The following ADGRL2 variants were observed in gnomAD, a reference collection of about 807,000 sequenced individuals.
The protein encoded by ADGRL2 is calcium-independent alpha-latrotoxin receptor 2.
Under a neutral mutation model 157.4 loss-of-function variants are expected in ADGRL2, and 44 were observed. The observed-to-expected ratio is 0.28, with a 90% confidence interval of 0.22 to 0.36. The LOEUF is 0.36. Among genes scored for constraint, ADGRL2 ranks in the 10% least tolerant of loss-of-function variants. ADGRL2 has a pLI of 1.00. For missense variants in ADGRL2, 1,510 were observed against 1,768.9 expected (o/e 0.85, Z 2.63); for synonymous variants, 585 against 624.7 (o/e 0.94, Z 0.95).
chr1:81,481,706 G>A (rs922615279), intron 2 of ADGRL2, among the ~76,000 whole-genome samples: 1 of 146,558 alleles, frequency 6.8e-6, no homozygotes, highest in Non-Finnish European at 1.5e-5. Context: ...CCCACTTTTG[G>A]CCCCATTTAC....
chr1:81,332,132 T>C (rs941291239), intron 1 of ADGRL2, among the ~76,000 whole-genome samples: 1 of 152,078 alleles, frequency 6.6e-6, no homozygotes, highest in East Asian at 1.9e-4. Flanking sequence ...GGTTTCCAGA[T>C]GAAACGAGAA....
intron 1 of ADGRL2, among the ~76,000 whole-genome samples, chr1:81,718,279 A>G (rs1350294052): frequency 6.6e-6 from 1 of 152,184 alleles, no homozygotes. Context: ...CGGCCTCCCA[A>G]AGTACTGGGA....
chr1:81,555,983 C>T (rs2080266494), intron 2 of ADGRL2, among the ~76,000 whole-genome samples: 1 of 151,856 alleles, frequency 6.6e-6, no homozygotes, highest in Admixed American at 6.6e-5. Flanking sequence ...TATCACTGCT[C>T]CTACTACATT....
chr1:81,655,298 C>T (rs1341284839), intron 3 of ADGRL2, among the ~76,000 whole-genome samples: 1 of 152,188 alleles, frequency 6.6e-6, no homozygotes, highest in East Asian at 1.9e-4. Context: ...CCGTGCCCGG[C>T]CTCATTCTGT....
chr1:81,867,751 A>G (rs1399361298), intron 2 of ADGRL2, among the ~76,000 whole-genome samples: 1 of 152,196 alleles, frequency 6.6e-6, no homozygotes, highest in African/African-American at 2.4e-5. Flanking sequence ...ATTCAAAAAA[A>G]TTTTAATTCA....
At chr1:81,980,745 ATC>A (rs1163842580) in intron 18 of ADGRL2, 2 of 630,528 alleles carry the variant, frequency 3.2e-6, no homozygotes, top group Non-Finnish European at 6.0e-6. Context: ...AATCTTTAGC[ATC>A]TCTCTCTTTT....
chr1:81,463,542 G>A (rs920351322), intron 2 of ADGRL2, among the ~76,000 whole-genome samples: 5 of 152,116 alleles, frequency 3.3e-5, no homozygotes, highest in Admixed American at 6.6e-5. Flanking sequence ...AACTGCTGTC[G>A]GATTTCAGAA....
At position 81,825,200 on chromosome 1, in the gene ADGRL2, TAAAG is replaced by T. The variant is rs560753125; in HGVS notation, c.-100-11681_-100-11678del. Among the ~76,000 whole-genome samples the T allele has an allele frequency of 4.5e-3, 687 of 152,164 alleles. 6 individuals carry two copies. Among genetic ancestry groups the T allele is most frequent in the African/African-American group, 0.016 (653 of 41,544 alleles). On this transcript the variant is annotated intron_variant, in intron 1 of 23. Coordinates refer to ENST00000686636, the MANE Select transcript of ADGRL2 (RefSeq NM_001366006.2). ...TCTATGAAATACTAAAAATCAAAAA[TAAAG>T]AAATAAAAATTTTTTTTTGTTGTAG... is the stretch of plus-strand genomic sequence containing the variant.
At chr1:81,764,746 G>C (rs1477211196) in intron 2 of ADGRL2, among the ~76,000 whole-genome samples, 1 of 151,844 alleles carries the variant, frequency 6.6e-6, no homozygotes, top group Non-Finnish European at 1.5e-5. Context: ...ATTCCTGAGT[G>C]GTTAAAGTAG....
intron 3 of ADGRL2, among the ~76,000 whole-genome samples, chr1:81,610,845 A>C (rs2081527200): frequency 6.6e-6 from 1 of 152,228 alleles, no homozygotes; most frequent in African/African-American, 2.4e-5. Context: ...ACAAAAGCTT[A>C]GTTTTGAGTT....
At chr1:81,971,760 T>A in intron 16 of ADGRL2, 92 bp from the exon 17 acceptor site, 1 of 663,064 alleles carries the variant, frequency 1.5e-6, no homozygotes, top group Non-Finnish European at 2.7e-6. Flanking sequence ...GTAAAGATAG[T>A]TTTGTCTGTT....
At chr1:81,597,340 A>G (rs1466215969) in intron 3 of ADGRL2, among the ~76,000 whole-genome samples, 1 of 152,184 alleles carries the variant, frequency 6.6e-6, no homozygotes, top group Non-Finnish European at 1.5e-5. Flanking sequence ...TATATTTGCT[A>G]CAAATATAAT....
intron 2 of ADGRL2, among the ~76,000 whole-genome samples, chr1:81,877,023 C>T (rs1392616450): frequency 6.6e-6 from 1 of 152,128 alleles, no homozygotes; most frequent in Non-Finnish European, 1.5e-5. Flanking sequence ...CCCAACCGCT[C>T]ATTCTACAAT....
intron 3 of ADGRL2, among the ~76,000 whole-genome samples, chr1:81,591,522 C>T (rs1427589051): frequency 6.6e-6 from 1 of 152,194 alleles, no homozygotes; most frequent in Non-Finnish European, 1.5e-5. Context: ...AATAATAGAA[C>T]TGAGTCTGTG....
intron 1 of ADGRL2, among the ~76,000 whole-genome samples, chr1:81,369,417 T>A (rs78043102): frequency 0.12 from 18,849 of 152,142 alleles, 1,349 homozygotes; most frequent in African/African-American, 0.17. Flanking sequence ...TACATATACT[T>A]CTTACTTGAG....
At chr1:81,872,847 G>C (rs1304986419) in intron 2 of ADGRL2, among the ~76,000 whole-genome samples, 2 of 152,058 alleles carry the variant, frequency 1.3e-5, no homozygotes, top group Admixed American at 6.6e-5. Context: ...GTGTTCATCA[G>C]TATAAAGGAA....
At chr1:81,821,337 G>A (rs1055152420) in intron 1 of ADGRL2, among the ~76,000 whole-genome samples, 2 of 152,022 alleles carry the variant, frequency 1.3e-5, no homozygotes, top group Non-Finnish European at 2.9e-5. Context: ...CAGCAAAGGC[G>A]GCCCAAATTT....
intron 2 of ADGRL2, among the ~76,000 whole-genome samples, chr1:81,772,024 C>A (rs1326866163): frequency 6.6e-6 from 1 of 152,040 alleles, no homozygotes; most frequent in African/African-American, 2.4e-5. Context: ...GGGAGACAGG[C>A]AGATCACCTG....
intron 2 of ADGRL2, among the ~76,000 whole-genome samples, chr1:81,517,583 C>G (rs80131689): frequency 0.017 from 2,541 of 151,846 alleles, 39 homozygotes; most frequent in East Asian, 0.051. Context: ...ACTGCTTTAG[C>G]CCCATGTCCC....
Sources: gnomAD v4.1 joint callset for allele counts (sites outside exome capture counted in the v4.1 genomes callset) on GRCh38, gnomAD v4.1.1 for gene constraint, MANE v1.5 for transcripts, NCBI Gene and HGNC (gene_info 2026-07-23, HGNC 2026-07-21) for gene names.